Variants in FSIP2 observed in about 807,000 individuals in gnomAD.
The protein encoded by FSIP2 is fibrous sheath interacting protein 2.
Under a neutral mutation model 510.5 loss-of-function variants are expected in FSIP2, and 367 were observed. That is an observed-to-expected ratio of 0.72 (90% CI 0.66 to 0.78). FSIP2 has a LOEUF of 0.78. FSIP2 is among the 30% of genes least tolerant of loss of function. FSIP2 has a pLI of 0.00. For missense variants in FSIP2, 7,594 were observed against 7,901.7 expected (o/e 0.96, Z 1.48); for synonymous variants, 2,601 against 2,732.2 (o/e 0.95, Z 1.50).
At chr2:185,737,808 G>A (rs1440394463), upstream of FSIP2, among the ~76,000 whole-genome samples, 1 of 152,128 alleles carries the variant, frequency 6.6e-6, no homozygotes, top group Non-Finnish European at 1.5e-5. Context: ...TCAAATTTAA[G>A]AGTCCTAAGC....
At chr2:185,782,630 C>G in intron 13 of FSIP2, 75 bp from the exon 14 acceptor site, 1 of 843,968 alleles carries the variant, frequency 1.2e-6, no homozygotes, top group Non-Finnish European at 1.9e-6. Flanking sequence ...AAATAAATAC[C>G]TACTGGAGGA....
At position 185,738,874 on chromosome 2, in the gene FSIP2, GC is replaced by G. The variant is rs1356807384; in HGVS notation, c.-20del. ...GGAGAGCGGGGCGGGTGAGGAAGGG[GC>G]TGAGGGGGCTGTGCCGGCCATGGAG... On this transcript the variant is annotated 5_prime_UTR_variant, in exon 1 of 23. Transcript: ENST00000424728. 4 of 1,517,978 alleles carry G rather than the reference GC, an allele frequency of 2.6e-6. No individual in the cohort carries two copies. Among genetic ancestry groups the G allele is most frequent in the Non-Finnish European group, 3.5e-6 (4 of 1,138,468 alleles). The allele number at this position is 1,517,978 out of a possible 1,614,324, so 94.0% of individuals were successfully genotyped here.
Position 185,781,958 on chromosome 2 carries a change from AT to A in FSIP2, c.1412-746del, listed in dbSNP as rs1197031058. Among the ~76,000 whole-genome samples the A allele has an allele frequency of 1.1e-4, 17 of 151,312 alleles. No individual in the cohort carries two copies. In the East Asian group the frequency reaches 2.6e-3, roughly 23 times the overall value. On this transcript the variant is annotated intron_variant, in intron 13 of 22. Transcript: ENST00000424728. Reference sequence around the variant, plus strand: ...GTTCACGCCATTCTCCTGCCTCAGCATCCCCCAGCAGCTGGGACTACAGGCG... The same window carrying A: ...GTTCACGCCATTCTCCTGCCTCAGCACCCCCAGCAGCTGGGACTACAGGCG...
chr2:185,783,777 TTAAAG>T (rs1692906228), intron 14 of FSIP2: 1 of 152,108 alleles, frequency 6.6e-6, no homozygotes, highest in Admixed American at 6.5e-5. Flanking sequence ...ACCTACCTCT[TTAAAG>T]AAAAGGTTAG....
In FSIP2 at chr2:185,806,870, T is replaced by G; in HGVS notation, c.17564T>G (p.Phe5855Cys). ...TTCAGGCCAGATAAGGGAAATCAGT[T>G]CCCTGGGGGTAAAGTGTCTTCAGTT... is the stretch of plus-strand genomic sequence containing the variant. ...KVFRPDKGNQ[F>C]PGGKVSSVPK... The change falls in exon 17 of 23, where the codon TTC becomes TGC. Residue 5855 changes from phenylalanine (F) to cysteine (C), a missense_variant. Coordinates refer to ENST00000424728, the MANE Select transcript of FSIP2 (RefSeq NM_173651.4). 6.2e-7 allele frequency: 1 copy of G among 1,608,510 alleles called. No individual in the cohort carries two copies. Among genetic ancestry groups the G allele is most frequent in the Non-Finnish European group, 8.5e-7 (1 of 1,177,832 alleles).
chr2:185,750,603 G>GTTTTTTTTTTTTTTTTTTT, intron 7 of FSIP2, among the ~76,000 whole-genome samples: 1 of 136,448 alleles, frequency 7.3e-6, no homozygotes, highest in Non-Finnish European at 1.6e-5. Context: ...GCATTTCTCT[G>GTTTTTTTTTTTTTTTTTTT]TTTTTTTTTT....
At position 185,806,328 on chromosome 2, in the gene FSIP2, T is replaced by C; in HGVS notation, c.17022T>C (p.Tyr5674=). The C allele has an allele frequency of 6.2e-7, 1 of 1,609,786 alleles. No individual in the cohort carries two copies. The highest frequency in any genetic ancestry group is 8.5e-7 in the Non-Finnish European group (1 of 1,177,838). ...TCRDEEHHSD[Y]EHVQNVIENI... is the part of the protein sequence containing the mutation. ...GGGATGAGGAACACCACTCAGATTA[T>C]GAACATGTTCAAAATGTCATTGAAA... is the stretch of plus-strand genomic sequence containing the variant. The change falls in exon 17 of 23, where the codon TAT becomes TAC. Residue 5674 remains tyrosine (Y), a synonymous_variant. Coordinates refer to ENST00000424728, the MANE Select transcript of FSIP2 (RefSeq NM_173651.4).
Position 185,794,011 on chromosome 2 carries a change from G to A in FSIP2, c.6875G>A (p.Cys2292Tyr), listed in dbSNP as rs1693206020. 5 of 1,533,526 alleles carry A rather than the reference G, an allele frequency of 3.3e-6. No homozygotes were observed. The highest frequency in any genetic ancestry group is 4.4e-6 in the Non-Finnish European group (5 of 1,145,304). 95.0% of individuals were successfully genotyped at this position (1,533,526 alleles called of 1,614,324 possible). A position where few individuals can be genotyped will look rare whatever the true frequency, so the allele number is the denominator to read the frequency against. ...KSFVIPELEN[C>Y]KQNDSIFYDS... ...TTTGTTATCCCAGAATTGGAAAATT[G>A]TAAACAAAATGACAGCATCTTTTAT... The change falls in exon 16 of 23, where the codon TGT becomes TAT. Residue 2292 changes from cysteine to tyrosine, a missense_variant. Cys to Tyr is a radical substitution (Grantham distance 194). Transcript: ENST00000424728.
At position 185,797,452 on chromosome 2, in the gene FSIP2, C is replaced by G; in HGVS notation, c.10316C>G (p.Ser3439Cys). The G allele has an allele frequency of 6.5e-7, 1 of 1,530,406 alleles. No individual in the cohort carries two copies. Among genetic ancestry groups the G allele is most frequent in the Non-Finnish European group, 8.7e-7 (1 of 1,145,062 alleles). 94.8% of individuals were successfully genotyped at this position (1,530,406 alleles called of 1,614,324 possible). Residue 3439 changes from serine to cysteine, a missense_variant, in exon 16 of 23, where the codon TCC becomes TGC. By Grantham distance (112) the Ser-to-Cys change is moderately radical (BLOSUM62 -1). Transcript: ENST00000424728. ...ACTTTTGCTGATCATGAAATGGGTT[C>G]CAATGAAGTTCATCTGATAGCAAGA... ...AFTFADHEMG[S>C]NEVHLIARHV...
chr2:185,741,204 T>C (rs1691915902), intron 2 of FSIP2, among the ~76,000 whole-genome samples: 1 of 152,238 alleles, frequency 6.6e-6, no homozygotes, highest in Admixed American at 6.5e-5. Context: ...TGTCGACCAT[T>C]AATTCACTTG....
At chr2:185,743,040 C>A (rs1258552896) in intron 2 of FSIP2, 93 bp from the exon 3 acceptor site, 2 of 947,440 alleles carry the variant, frequency 2.1e-6, no homozygotes, top group Non-Finnish European at 2.9e-6. Flanking sequence ...TCTTTTGGCA[C>A]ATTTTATTTT....
Position 185,806,561 on chromosome 2 carries a change from G to C in FSIP2, c.17255G>C (p.Arg5752Thr). 6.2e-7 allele frequency: 1 copy of C among 1,603,698 alleles called. No individual in the cohort carries two copies. Among genetic ancestry groups the C allele is most frequent in the African/African-American group, 1.3e-5 (1 of 74,116 alleles). ...ISAKEKEEEE[R>T]EKEKVREEIK... ...GCCAAAGAAAAAGAAGAGGAAGAGA[G>C]AGAAAAAGAGAAAGTAAGAGAGGAG... The change falls in exon 17 of 23, where the codon AGA (arginine) becomes ACA (threonine). Residue 5752 changes from arginine (R) to threonine (T), a missense_variant. Transcript: ENST00000424728.
At position 185,808,081 on chromosome 2, in the gene FSIP2, A is replaced by G. The variant is rs368494295; in HGVS notation, c.18775A>G (p.Ser6259Gly). 4.0e-5 allele frequency: 64 copies of G among 1,607,648 alleles called. No homozygotes were observed. Among genetic ancestry groups the G allele is most frequent in the Non-Finnish European group, 5.2e-5 (61 of 1,177,782 alleles). ...IENIVNSIYT[S>G]VLKHSGSYTS... ...AAACATAGTTAATTCTATTTATACC[A>G]GTGTTTTAAAGCACTCTGGCTCTTA... The change falls in exon 17 of 23, where the codon AGT (serine) becomes GGT (glycine). Residue 6259 changes from serine (S) to glycine (G), a missense_variant. Ser to Gly is a moderately conservative substitution (Grantham distance 56, BLOSUM62 0). Coordinates refer to ENST00000424728, the MANE Select transcript of FSIP2 (RefSeq NM_173651.4).
chr2:185,768,321 T>A (rs185304875), intron 13 of FSIP2, among the ~76,000 whole-genome samples: 91 of 152,270 alleles, frequency 6.0e-4, no homozygotes, highest in Admixed American at 1.7e-3. Flanking sequence ...TTTAGTGCCA[T>A]ACCCAAACAT....
chr2:185,790,715 T>C lies in FSIP2; in HGVS notation c.3579T>C (p.Ile1193=), dbSNP rs1559025956. ...TTTCCAATACCACTAAAAGTTCCAT[T>C]TCATCATCAGTTCATCAGATTTCCT... is the stretch of plus-strand genomic sequence containing the variant. The part of the protein sequence containing the change: ...NYISNTTKSS[I]SSSVHQISLH... The change falls in exon 16 of 23, where the codon ATT becomes ATC. Residue 1193 remains isoleucine, a synonymous_variant. Coordinates refer to ENST00000424728, the MANE Select transcript of FSIP2 (RefSeq NM_173651.4). 19 of 1,533,838 alleles carry C rather than the reference T, an allele frequency of 1.2e-5. No individual in the cohort carries two copies. Among genetic ancestry groups the C allele is most frequent in the Admixed American group, 2.0e-5 (1 of 50,840 alleles).
chr2:185,800,920 C>A lies in FSIP2; in HGVS notation c.11614C>A (p.His3872Asn). ...APESLPFANKHLNYRTREIQS... is the reference protein window; with the variant it reads ...APESLPFANKNLNYRTREIQS... ...GGAAAGTCTACCTTTTGCAAATAAGCATTTGAACTACAGAACAAGAGAAAT... is the reference window on the plus strand; with the variant it reads ...GGAAAGTCTACCTTTTGCAAATAAGAATTTGAACTACAGAACAAGAGAAAT... Residue 3872 changes from histidine (H) to asparagine (N), a missense_variant, in exon 17 of 23, where the codon CAT becomes AAT. Physicochemically the swap from His to Asn is moderately conservative, Grantham distance 68 (BLOSUM62 1). Transcript: ENST00000424728. 1.3e-6 allele frequency: 2 copies of A among 1,532,096 alleles called. No individual in the cohort carries two copies. Among genetic ancestry groups the A allele is most frequent in the Non-Finnish European group, 1.7e-6 (2 of 1,144,576 alleles). 94.9% of individuals were successfully genotyped at this position (1,532,096 alleles called of 1,614,324 possible). A position where few individuals can be genotyped will look rare whatever the true frequency, so the allele number is the denominator to read the frequency against.
Position 185,793,912 on chromosome 2 carries a change from A to C in FSIP2, c.6776A>C (p.Lys2259Thr). The change falls in exon 16 of 23, where the codon AAA (lysine) becomes ACA (threonine). Residue 2259 changes from lysine to threonine, a missense_variant. Coordinates refer to ENST00000424728, the MANE Select transcript of FSIP2 (RefSeq NM_173651.4). ...NANFITKTIF[K>T]RLESFATERI... ...AACTTCATTACTAAAACTATTTTTA[A>C]ACGTTTGGAATCTTTTGCCACAGAA... The C allele has an allele frequency of 6.6e-7, 1 of 1,525,826 alleles. No individual in the cohort carries two copies. The highest frequency in any genetic ancestry group is 8.7e-7 in the Non-Finnish European group (1 of 1,143,242). The allele number at this position is 1,525,826 out of a possible 1,614,324, so 94.5% of individuals were successfully genotyped here. A position where few individuals can be genotyped will look rare whatever the true frequency, so the allele number is the denominator to read the frequency against.
Position 185,805,194 on chromosome 2 carries a change from A to C in FSIP2, c.15888A>C (p.Glu5296Asp). Residue 5296 changes from glutamate to aspartate, a missense_variant, in exon 17 of 23, where the codon GAA (glutamate) becomes GAC (aspartate). Transcript: ENST00000424728. ...TTTGTTCTCTCCTCATTATTACTGA[A>C]GATTCTAAGAAAAATGAAATGGCAG... ...HKFCSLLIIT[E>D]DSKKNEMAEL... 6.2e-7 allele frequency: 1 copy of C among 1,605,230 alleles called. No individual in the cohort carries two copies. Among genetic ancestry groups the C allele is most frequent in the Non-Finnish European group, 8.5e-7 (1 of 1,176,642 alleles).
chr2:185,751,936 C>T (rs1464758654), intron 7 of FSIP2, among the ~76,000 whole-genome samples: 1 of 150,386 alleles, frequency 6.6e-6, no homozygotes, highest in Non-Finnish European at 1.5e-5. Flanking sequence ...TCCCACAATA[C>T]ATTGCTAAGT....
Sources: gnomAD v4.1 joint callset for allele counts (sites outside exome capture counted in the v4.1 genomes callset) on GRCh38, gnomAD v4.1.1 for gene constraint, MANE v1.5 for transcripts, NCBI Gene and HGNC (gene_info 2026-07-23, HGNC 2026-07-21) for gene names.